The following PCDH11X variants were observed in gnomAD, a reference collection of about 807,000 sequenced individuals.
The protein encoded by PCDH11X is protocadherin 11 X-linked, also known as protocadherin-11 X-linked.
Under a neutral mutation model 53.3 loss-of-function variants are expected in PCDH11X, and 18 were observed. The observed-to-expected ratio is 0.34, with a 90% CI of 0.23 to 0.50. The LOEUF is 0.50. Among genes scored for constraint, PCDH11X ranks in the 20% least tolerant of loss-of-function variants. The probability of loss-of-function intolerance (pLI) is 0.98; values close to 1 mark genes in which losing one functional copy is unlikely to be tolerated. For missense variants in PCDH11X, 570 were observed against 1,032.4 expected, an observed-to-expected ratio of 0.55 and a Z score of 6.14; for synonymous variants, 279 against 393.3, an observed-to-expected ratio of 0.71 and a Z score of 3.44.
chrX:91,955,354 A>G (rs1044426834), intron 6 of PCDH11X, among the ~76,000 whole-genome samples: 7 of 109,341 alleles, frequency 6.4e-5, no homozygotes. Flanking sequence ...TGGTTACTGT[A>G]GCCTTGTAGT....
rs1253114335 is a variant in PCDH11X, at chrX:91,995,957, C to A, written c.3033+116684C>A. Among the ~76,000 whole-genome samples, 12 of 104,027 alleles carry A rather than the reference C, an allele frequency of 1.2e-4. 1 individual carries two copies. The highest frequency in any genetic ancestry group is 0.011 in the Middle Eastern group (2 of 189). 90.3% of individuals were successfully genotyped at this position (104,027 alleles called of 115,157 possible). ...CTCCACCTCCCAGGTCCATGCCATTCTCCTGCCTCAGCCTCCCAAGTAGCT... is the reference window on the plus strand; with the variant it reads ...CTCCACCTCCCAGGTCCATGCCATTATCCTGCCTCAGCCTCCCAAGTAGCT... On this transcript the variant is annotated intron_variant, in intron 6 of 10. Coordinates refer to ENST00000682573, the MANE Select transcript of PCDH11X (RefSeq NM_032968.5).
intron 7 of PCDH11X, among the ~76,000 whole-genome samples, chrX:92,251,917 A>G (rs2067468647): frequency 9.0e-6 from 1 of 111,421 alleles, no homozygotes; most frequent in African/African-American, 3.3e-5. Context: ...CTTTATTGTT[A>G]TAAAGATGCT....
At chrX:92,214,468 AATTTGTTTCCACATCTGTAACTTGGGGGT>A (rs1215653624) in intron 7 of PCDH11X, among the ~76,000 whole-genome samples, 1 of 111,750 alleles carries the variant, frequency 8.9e-6, no homozygotes, top group African/African-American at 3.3e-5. Flanking sequence ...AAATTATTTG[AATTTGTTTCCACATCTGTAACTTGGGGGT>A]ATTTGTATCA....
At chrX:92,577,019 T>C in intron 10 of PCDH11X, among the ~76,000 whole-genome samples, 1 of 108,919 alleles carries the variant, frequency 9.2e-6, no homozygotes, top group East Asian at 2.8e-4. Context: ...TTATATTCTT[T>C]AGCTTTTGTT....
At chrX:92,128,223 A>T (rs2064905651) in intron 6 of PCDH11X, among the ~76,000 whole-genome samples, 1 of 107,066 alleles carries the variant, frequency 9.3e-6, no homozygotes. Flanking sequence ...ATTTACTGAA[A>T]GAGAAAATAA....
chrX:91,825,979 C>T (rs1014510821), intron 4 of PCDH11X, among the ~76,000 whole-genome samples: 3 of 108,366 alleles, frequency 2.8e-5, no homozygotes, highest in Non-Finnish European at 5.7e-5. Context: ...TAATTTTTAC[C>T]GCTCATCTTT....
intron 8 of PCDH11X, among the ~76,000 whole-genome samples, chrX:92,325,422 T>G (rs1223829667): frequency 9.0e-6 from 1 of 111,205 alleles, no homozygotes; most frequent in African/African-American, 3.3e-5. Context: ...AACATAATAT[T>G]AAGATAGTCC....
rs1283505407 is a variant in PCDH11X at position 91,840,390 on chromosome X, T to G, written c.540+4346T>G. ...CTTTTTCTCAGGTTAGTGATCCTAC[T>G]CAAGGCCTTCCCTTGTTTCTACCCA... On this transcript the variant is annotated intron_variant, in intron 5 of 10. Coordinates refer to ENST00000682573, the MANE Select transcript of PCDH11X (RefSeq NM_032968.5). Among the ~76,000 whole-genome samples the G allele has an allele frequency of 2.7e-5, 3 of 111,485 alleles. No homozygotes were observed. The East Asian group carries it at 8.5e-4, about 32-fold the overall frequency.
chrX:92,209,339 G>A (rs758109639), intron 7 of PCDH11X, among the ~76,000 whole-genome samples: 2 of 111,954 alleles, frequency 1.8e-5, no homozygotes, highest in Non-Finnish European at 3.8e-5. Context: ...GAGATACAAC[G>A]AGGGTACAGG....
rs1415827131 is a variant in PCDH11X, at chrX:92,514,978, C to T, written c.3367+46656C>T. On this transcript the variant is annotated intron_variant, in intron 10 of 10. Coordinates refer to ENST00000682573, the MANE Select transcript of PCDH11X (RefSeq NM_032968.5). ...AGGAAAATGGCGTGAACCCGGGAGGCGGAGCTTGCAGTGAGCTGAGATCCC... is the reference window on the plus strand; with the variant it reads ...AGGAAAATGGCGTGAACCCGGGAGGTGGAGCTTGCAGTGAGCTGAGATCCC... 1.1e-4 allele frequency among the ~76,000 whole-genome samples: 10 copies of T among 87,687 alleles called. No homozygotes were observed. In the South Asian group the frequency reaches 2.9e-3, roughly 25 times the overall value. The allele number at this position is 87,687 out of a possible 115,157, so 76.1% of individuals were successfully genotyped here.
At chrX:91,839,678 C>G (rs1208303067) in intron 5 of PCDH11X, among the ~76,000 whole-genome samples, 1 of 109,834 alleles carries the variant, frequency 9.1e-6, no homozygotes, top group Non-Finnish European at 1.9e-5. Context: ...CCAAGTAATT[C>G]TGCTTGTTTA....
chrX:92,321,359 A>ATT (rs35285833), intron 8 of PCDH11X, among the ~76,000 whole-genome samples: 6 of 104,842 alleles, frequency 5.7e-5, no homozygotes, highest in African/African-American at 2.1e-4. Context: ...TGCCCAGCTA[A>ATT]TTTTTTTTTT....
At chrX:91,886,888 A>G (rs370754379) in intron 6 of PCDH11X, among the ~76,000 whole-genome samples, 1,441 of 104,689 alleles carry the variant, frequency 0.014, 14 homozygotes, top group Middle Eastern at 0.029. Context: ...GGAGAATGGC[A>G]TGAACCCGGG....
rs759664962 is a variant in PCDH11X at position 92,267,112 on chromosome X, C to T, written c.3144+3969C>T. Among the ~76,000 whole-genome samples, 190 of 111,814 alleles carry T rather than the reference C, an allele frequency of 1.7e-3. 2 individuals are homozygous for T. The highest frequency in any genetic ancestry group is 5.7e-3 in the African/African-American group (175 of 30,754). ...TGGTTAATAGTTTTTGAAATTTCCTCGTATGAATACAAACTGCTCTTTTTA... is the reference window on the plus strand; with the variant it reads ...TGGTTAATAGTTTTTGAAATTTCCTTGTATGAATACAAACTGCTCTTTTTA... On this transcript the variant is annotated intron_variant, in intron 8 of 10. Transcript: ENST00000682573.
intron 9 of PCDH11X, among the ~76,000 whole-genome samples, chrX:92,419,711 G>A (rs1296494684): frequency 3.0e-5 from 2 of 66,436 alleles, no homozygotes; most frequent in Non-Finnish European, 4.9e-5. Flanking sequence ...GATGATTCTC[G>A]CTCTGTCGCC....
At chrX:92,248,851 A>G (rs1169747520) in intron 7 of PCDH11X, among the ~76,000 whole-genome samples, 1 of 109,915 alleles carries the variant, frequency 9.1e-6, no homozygotes, top group African/African-American at 3.3e-5. Flanking sequence ...GCAGGCGCCC[A>G]TCACCATGCC....
At chrX:92,410,111 C>A (rs1429637046) in intron 9 of PCDH11X, among the ~76,000 whole-genome samples, 1 of 111,061 alleles carries the variant, frequency 9.0e-6, no homozygotes, top group Non-Finnish European at 1.9e-5. Context: ...TTGCCCCCCT[C>A]TCCCATAGTA....
At chrX:92,565,735 G>A (rs773505696) in intron 10 of PCDH11X, among the ~76,000 whole-genome samples, 161 of 106,613 alleles carry the variant, frequency 1.5e-3, no homozygotes, top group African/African-American at 5.4e-3. Context: ...TAGAACAACA[G>A]AGGACTACAG....
Position 92,263,367 on chromosome X carries a change from T to G in PCDH11X, c.3144+224T>G, listed in dbSNP as rs182862103. Among the ~76,000 whole-genome samples the G allele has an allele frequency of 2.7e-5, 3 of 111,850 alleles. No individual in the cohort carries two copies. The Admixed American group carries it at 2.9e-4, about 11-fold the overall frequency. On this transcript the variant is annotated intron_variant, in intron 8 of 10. Transcript: ENST00000682573. ...TTTATTTTATTTTCCCCCAATACTTTCTTTTCCCACTATGCCAAAACAACA... is the reference window on the plus strand; with the variant it reads ...TTTATTTTATTTTCCCCCAATACTTGCTTTTCCCACTATGCCAAAACAACA...
Sources: gnomAD v4.1 joint callset for allele counts (sites outside exome capture counted in the v4.1 genomes callset) on GRCh38, gnomAD v4.1.1 for gene constraint, MANE v1.5 for transcripts, NCBI Gene and HGNC (gene_info 2026-07-23, HGNC 2026-07-21) for gene names.